The following GLRA2 variants were observed in gnomAD, a reference collection of about 807,000 sequenced individuals.
The protein encoded by GLRA2 is glycine receptor alpha 2.
In GLRA2, 11 loss-of-function variants were observed where a neutral mutation model predicts 31.6. The observed-to-expected ratio is 0.35, with a 90% CI of 0.22 to 0.58. The LOEUF is 0.58. Ranked by LOEUF, GLRA2 falls within the 20% of genes least tolerant of loss-of-function variation. The pLI, the probability that GLRA2 is intolerant of heterozygous loss-of-function variation, is 0.84. For synonymous variants in GLRA2, 132 were observed against 134.0 expected, an observed-to-expected ratio of 0.99 and a Z score of 0.10; for missense variants, 212 against 351.8, an observed-to-expected ratio of 0.60 and a Z score of 3.18.
intron 7 of GLRA2, among the ~76,000 whole-genome samples, chrX:14,661,083 G>A (rs12837270): frequency 0.065 from 6,666 of 103,206 alleles, 216 homozygotes; most frequent in East Asian, 0.13. Context: ...TTTTGCTGAT[G>A]TTCAAAGATG....
chrX:14,523,569 C>T, the GLRA2 span, among the ~76,000 whole-genome samples: 3 of 111,856 alleles, frequency 2.7e-5, no homozygotes, highest in African/African-American at 9.7e-5. Context: ...TCATTTCTAG[C>T]TTGATTTCAA....
chrX:14,706,395 ATACTAT>A (rs1339812406), intron 8 of GLRA2, among the ~76,000 whole-genome samples: 1 of 112,604 alleles, frequency 8.9e-6, no homozygotes, highest in Non-Finnish European at 1.9e-5. Flanking sequence ...AAAACAAGGC[ATACTAT>A]TACTATTAAG....
intron 7 of GLRA2, among the ~76,000 whole-genome samples, chrX:14,686,108 G>A (rs1401062770): frequency 8.9e-6 from 1 of 111,888 alleles, no homozygotes; most frequent in Non-Finnish European, 1.9e-5. Context: ...CAGTTTCCAT[G>A]TAGTTGTGTA....
intron 7 of GLRA2, among the ~76,000 whole-genome samples, chrX:14,663,516 T>TACACACACAC (rs751970033): frequency 3.8e-5 from 4 of 104,024 alleles, no homozygotes; most frequent in African/African-American, 1.4e-4. Flanking sequence ...TAGAAAAGAT[T>TACACACACAC]ACACACACAC....
chrX:14,626,201 C>T (rs2090586967), intron 7 of GLRA2, among the ~76,000 whole-genome samples: 1 of 112,093 alleles, frequency 8.9e-6, no homozygotes, highest in African/African-American at 3.2e-5. Context: ...TGGACAGTTA[C>T]ATTTGTAGCA....
intron 2 of GLRA2, among the ~76,000 whole-genome samples, chrX:14,560,325 AAAT>A (rs777036879): frequency 1.8e-5 from 2 of 112,153 alleles, no homozygotes; most frequent in African/African-American, 6.5e-5. Context: ...CAAGAGAGAA[AAAT>A]AATATCATTT....
chrX:14,468,218 A>G, the GLRA2 span, among the ~76,000 whole-genome samples: 7 of 112,447 alleles, frequency 6.2e-5, no homozygotes, highest in East Asian at 8.4e-4. Context: ...TTGCATTTCA[A>G]TGCCAAAGCT....
At chrX:14,491,090 G>A in the GLRA2 span, among the ~76,000 whole-genome samples, 1 of 111,604 alleles carries the variant, frequency 9.0e-6, no homozygotes, top group Admixed American at 9.5e-5. Context: ...GCTCACATAG[G>A]CCTGCTATTA....
chrX:14,462,135 G>A, the GLRA2 span, among the ~76,000 whole-genome samples: 63 of 111,824 alleles, frequency 5.6e-4, no homozygotes, highest in African/African-American at 1.5e-3. Flanking sequence ...ATGAAATTCT[G>A]GGTTGAAAAT....
intron 7 of GLRA2, among the ~76,000 whole-genome samples, chrX:14,613,229 T>A: frequency 8.9e-6 from 1 of 111,751 alleles, no homozygotes; most frequent in East Asian, 2.8e-4. Context: ...CTGTCCATAA[T>A]GTAGTAGAAA....
intron 4 of GLRA2, among the ~76,000 whole-genome samples, chrX:14,588,591 A>G (rs2090107912): frequency 8.9e-6 from 1 of 111,867 alleles, no homozygotes; most frequent in African/African-American, 3.2e-5. Context: ...TATGAATTTT[A>G]GAATAGTTTT....
intron 8 of GLRA2, among the ~76,000 whole-genome samples, chrX:14,707,732 G>GTTT (rs2091646524): frequency 9.8e-6 from 1 of 102,311 alleles, no homozygotes; most frequent in Non-Finnish European, 2.0e-5. Context: ...TGGAAAATAT[G>GTTT]TTTTCCTACT....
the GLRA2 span, among the ~76,000 whole-genome samples, chrX:14,501,638 C>G: frequency 2.7e-5 from 3 of 111,999 alleles, no homozygotes; most frequent in Admixed American, 2.8e-4. Flanking sequence ...GCCTCATTCA[C>G]AGCATACTGC....
At chrX:14,607,059 C>A (rs2090341887) in intron 5 of GLRA2, 72 bp from the exon 6 acceptor site, 3 of 753,301 alleles carry the variant, frequency 4.0e-6, no homozygotes, top group Non-Finnish European at 6.0e-6. Flanking sequence ...TTGTTTGTTT[C>A]TTTACATGGG....
At chrX:14,724,150 A>C (rs2091899255) in intron 8 of GLRA2, among the ~76,000 whole-genome samples, 1 of 111,526 alleles carries the variant, frequency 9.0e-6, no homozygotes, top group Non-Finnish European at 1.9e-5. Context: ...ATGCATTCGT[A>C]TATGTATATG....
At position 14,730,558 on chromosome X, in the gene GLRA2, T is replaced by TATCA; in HGVS notation, c.*74_*77dup. 1 of 399,976 alleles carries TATCA rather than the reference T, an allele frequency of 2.5e-6. No individual in the cohort carries two copies. Among genetic ancestry groups the TATCA allele is most frequent in the Non-Finnish European group, 3.9e-6 (1 of 259,025 alleles). The allele number at this position is 399,976 out of a possible 1,213,427, so 33.0% of individuals were successfully genotyped here. A position where few individuals can be genotyped will look rare whatever the true frequency, so the allele number is the denominator to read the frequency against. ...TAAATACACAGTGAAATTGTCTTTA[T>TATCA]ATCACTTTGACAGAGGAGAAGATTG... On this transcript the variant is annotated 3_prime_UTR_variant, in exon 9 of 9. Transcript: ENST00000218075.
At chrX:14,463,141 A>C in the GLRA2 span, among the ~76,000 whole-genome samples, 1 of 110,798 alleles carries the variant, frequency 9.0e-6, no homozygotes, top group Non-Finnish European at 1.9e-5. Flanking sequence ...CTGGAGGTCC[A>C]CTCCAGTCCC....
At chrX:14,561,396 G>T (rs1275242065) in intron 2 of GLRA2, among the ~76,000 whole-genome samples, 1 of 112,355 alleles carries the variant, frequency 8.9e-6, no homozygotes, top group Non-Finnish European at 1.9e-5. Flanking sequence ...GGCAAAGTTG[G>T]CTTACAGACC....
At chrX:14,682,759 T>A (rs1416133953) in intron 7 of GLRA2, among the ~76,000 whole-genome samples, 1 of 99,706 alleles carries the variant, frequency 1.0e-5, no homozygotes, top group Non-Finnish European at 2.0e-5. Context: ...GTCCAAGTGT[T>A]CTCATTGTTC....
Sources: allele counts gnomAD v4.1 joint callset (sites outside exome capture counted in the v4.1 genomes callset), GRCh38; gene constraint gnomAD v4.1.1; transcripts MANE v1.5; gene names NCBI Gene and HGNC (gene_info 2026-07-23, HGNC 2026-07-21).